The following NEK7 variants were observed in gnomAD, a reference collection of about 807,000 sequenced individuals.
The protein encoded by NEK7 is NIMA related kinase 7, also known as serine/threonine-protein kinase Nek7.
NEK7 carries 18 observed loss-of-function variants against 44.6 expected under a neutral mutation model. That is an observed-to-expected ratio of 0.40 (90% CI 0.28 to 0.60). The LOEUF (loss-of-function observed/expected upper bound fraction) is 0.60. Among genes scored for constraint, NEK7 ranks in the 20% least tolerant of loss-of-function variants. The pLI, the probability that NEK7 is intolerant of heterozygous loss-of-function variation, is 0.38. For missense variants in NEK7, 256 were observed against 366.5 expected, an observed-to-expected ratio of 0.70 and a Z score of 2.46; for synonymous variants, 130 against 121.1, an observed-to-expected ratio of 1.07 and a Z score of -0.48.
chr1:198,175,810 C>G (rs1558042250), intron 1 of NEK7, among the ~76,000 whole-genome samples: 1 of 152,168 alleles, frequency 6.6e-6, no homozygotes. Context: ...TGTAGGGAAA[C>G]TCTTCGGTAA....
intron 1 of NEK7, among the ~76,000 whole-genome samples, chr1:198,210,306 G>A (rs538446195): frequency 9.2e-5 from 14 of 152,256 alleles, no homozygotes; most frequent in African/African-American, 3.1e-4. Context: ...GGCAGGTCTT[G>A]AACTCCTGGC....
At chr1:198,306,877 A>T (rs1006813149) in intron 9 of NEK7, among the ~76,000 whole-genome samples, 1 of 152,170 alleles carries the variant, frequency 6.6e-6, no homozygotes, top group Non-Finnish European at 1.5e-5. Context: ...AGAACAACAA[A>T]TAGTTATTTC....
At position 198,321,864 on chromosome 1, in the gene NEK7, T is replaced by C. The variant is rs985928070; in HGVS notation, c.*2342T>C. Reference sequence around the variant, plus strand: ...TTTTATATTGATTAAGTTAAACTTTTGAATTGATTTGAGGAGCAGTAAAAT... The same window carrying C: ...TTTTATATTGATTAAGTTAAACTTTCGAATTGATTTGAGGAGCAGTAAAAT... On this transcript the variant is annotated 3_prime_UTR_variant, in exon 10 of 10. Coordinates refer to ENST00000367385, the MANE Select transcript of NEK7 (RefSeq NM_133494.3). The C allele has an allele frequency of 5.9e-5, 9 of 152,166 alleles. No individual in the cohort carries two copies. The highest frequency in any genetic ancestry group is 2.9e-5 in the Non-Finnish European group (2 of 67,970). 9.4% of individuals were successfully genotyped at this position (152,166 alleles called of 1,614,324 possible). A position where few individuals can be genotyped will look rare whatever the true frequency, so the allele number is the denominator to read the frequency against.
rs192855958 is a variant in NEK7 at position 198,305,738 on chromosome 1, A to T, written c.798+8498A>T. ...TAAAGTAGGCCTGTGTCTTATTGGG[A>T]ATTTTGCAGAACTCGAGAGAAAATT... On this transcript the variant is annotated intron_variant, in intron 9 of 9. Coordinates refer to ENST00000367385, the MANE Select transcript of NEK7 (RefSeq NM_133494.3). Among the ~76,000 whole-genome samples the T allele has an allele frequency of 5.7e-4, 87 of 152,274 alleles. No homozygotes were observed. In the East Asian group the frequency reaches 0.016, roughly 28 times the overall value.
chr1:198,279,015 G>T lies in NEK7; in HGVS notation c.543G>T (p.Gly181=). Residue 181 remains glycine (G), a synonymous_variant, in exon 7 of 10, where the codon GGG becomes GGT. Coordinates refer to ENST00000367385, the MANE Select transcript of NEK7 (RefSeq NM_133494.3). Reference sequence around the variant, plus strand: ...GGGTGGTAAAACTTGGAGATCTTGGGCTTGGCCGGTTTTTCAGCTCAAAAA... The same window carrying T: ...GGGTGGTAAAACTTGGAGATCTTGGTCTTGGCCGGTTTTTCAGCTCAAAAA... ...ATGVVKLGDL[G]LGRFFSSKTT... The T allele has an allele frequency of 6.2e-7, 1 of 1,611,210 alleles. No individual in the cohort carries two copies. Among genetic ancestry groups the T allele is most frequent in the Non-Finnish European group, 8.5e-7 (1 of 1,178,024 alleles).
intron 1 of NEK7, among the ~76,000 whole-genome samples, chr1:198,169,877 CTG>C (rs1442754178): frequency 6.6e-6 from 1 of 152,180 alleles, no homozygotes; most frequent in East Asian, 1.9e-4. Flanking sequence ...CTGTACAGAT[CTG>C]TGTTTTCTGT....
intron 1 of NEK7, among the ~76,000 whole-genome samples, chr1:198,210,525 C>T (rs1018829310): frequency 1.3e-5 from 2 of 151,876 alleles, no homozygotes; most frequent in African/African-American, 4.8e-5. Context: ...TATGTACCTT[C>T]TTATATGTAA....
intron 1 of NEK7, among the ~76,000 whole-genome samples, chr1:198,168,845 G>A (rs1664346100): frequency 6.6e-6 from 1 of 152,154 alleles, no homozygotes. Context: ...GAAAAACCTA[G>A]ATGGCAGTGG....
intron 1 of NEK7, among the ~76,000 whole-genome samples, chr1:198,181,766 AT>A (rs1382722336): frequency 2.0e-5 from 3 of 152,164 alleles, no homozygotes; most frequent in Non-Finnish European, 4.4e-5. Context: ...AGAAATGATT[AT>A]TTGAAAAATT....
In NEK7 at chr1:198,210,741, C is replaced by CTTTTTTTTTTTTTTTTTT. The variant is rs140181207; in HGVS notation, c.-28-21800_-28-21783dup. 1.4e-4 allele frequency among the ~76,000 whole-genome samples: 8 copies of CTTTTTTTTTTTTTTTTTT among 57,538 alleles called. 1 individual carries two copies. Among genetic ancestry groups the CTTTTTTTTTTTTTTTTTT allele is most frequent in the East Asian group, 6.2e-4 (1 of 1,624 alleles). The allele number at this position is 57,538 out of a possible 152,430, so 37.7% of individuals were successfully genotyped here. On this transcript the variant is annotated intron_variant, in intron 1 of 9. Coordinates refer to ENST00000367385, the MANE Select transcript of NEK7 (RefSeq NM_133494.3). Reference sequence around the variant, plus strand: ...GTCATTGTCCCTTCAATTTGTATTTCTTTTTTTTTTTTTTTTTTTTTTTTT... The same window carrying CTTTTTTTTTTTTTTTTTT: ...GTCATTGTCCCTTCAATTTGTATTTCTTTTTTTTTTTTTTTTTTTTTTTTTTTTTTTTTTTTTTTTTTT...
intron 3 of NEK7, among the ~76,000 whole-genome samples, chr1:198,253,463 A>G (rs1371600272): frequency 1.3e-5 from 2 of 152,116 alleles, no homozygotes; most frequent in Non-Finnish European, 2.9e-5. Context: ...CATTACTTCT[A>G]CCTGGACATT....
chr1:198,162,875 G>T (rs922569159), intron 1 of NEK7, among the ~76,000 whole-genome samples: 1 of 151,882 alleles, frequency 6.6e-6, no homozygotes, highest in African/African-American at 2.4e-5. Context: ...AGGCTTGGGG[G>T]GTTATATTAT....
intron 5 of NEK7, 76 bp from the exon 6 acceptor site, chr1:198,277,885 T>C: frequency 1.3e-6 from 1 of 774,168 alleles, no homozygotes; most frequent in Non-Finnish European, 2.2e-6. Context: ...TTTTCTGACT[T>C]ACGGATTTTT....
intron 5 of NEK7, among the ~76,000 whole-genome samples, chr1:198,276,868 G>T (rs1258512260): frequency 6.6e-6 from 1 of 151,558 alleles, no homozygotes; most frequent in Non-Finnish European, 1.5e-5. Context: ...CATTCAGCCT[G>T]CCCTCAGCTG....
intron 1 of NEK7, among the ~76,000 whole-genome samples, chr1:198,214,403 A>G (rs1665859754): frequency 6.6e-6 from 1 of 152,212 alleles, no homozygotes; most frequent in African/African-American, 2.4e-5. Context: ...TACAAGAGAG[A>G]GATGCAAACC....
At chr1:198,288,254 T>C (rs961016548) in intron 7 of NEK7, among the ~76,000 whole-genome samples, 3 of 152,240 alleles carry the variant, frequency 2.0e-5, no homozygotes, top group Admixed American at 2.0e-4. Context: ...AATCCCTTCT[T>C]AAGTAATTGC....
At chr1:198,252,621 GTA>G (rs1653093443) in intron 2 of NEK7, among the ~76,000 whole-genome samples, 1 of 111,930 alleles carries the variant, frequency 8.9e-6, no homozygotes, top group African/African-American at 4.0e-5. Flanking sequence ...ATTAAAACAT[GTA>G]TATGTATGTT....
At chr1:198,307,691 C>T (rs1479014325) in intron 9 of NEK7, among the ~76,000 whole-genome samples, 1 of 152,096 alleles carries the variant, frequency 6.6e-6, no homozygotes, top group African/African-American at 2.4e-5. Context: ...AAAACTCAGA[C>T]CAATCTCTGA....
At chr1:198,297,835 G>A (rs1016480738) in intron 9 of NEK7, among the ~76,000 whole-genome samples, 5 of 152,148 alleles carry the variant, frequency 3.3e-5, no homozygotes, top group African/African-American at 9.7e-5. Context: ...TTGTAGACAT[G>A]TTTAAAAAGT....
Sources: gnomAD v4.1 joint callset for allele counts (sites outside exome capture counted in the v4.1 genomes callset) on GRCh38, gnomAD v4.1.1 for gene constraint, MANE v1.5 for transcripts, NCBI Gene and HGNC (gene_info 2026-07-23, HGNC 2026-07-21) for gene names.